Variants in DAB1 observed in about 807,000 individuals in gnomAD.
DAB1 encodes the protein disabled homolog 1.
DAB1 carries 15 observed loss-of-function variants against 64.6 expected under a neutral mutation model. The ratio of observed to expected loss-of-function variants is 0.23; its 90% confidence interval spans 0.16 to 0.36. The LOEUF is 0.36. Among genes scored for constraint, DAB1 ranks in the 10% least tolerant of loss-of-function variants. The pLI is 1.00. For synonymous variants in DAB1, 235 were observed against 251.9 expected, an observed-to-expected ratio of 0.93 and a Z score of 0.64; for missense variants, 596 against 706.7, an observed-to-expected ratio of 0.84 and a Z score of 1.78.
At chr1:57,123,778 A>C (rs1656878447) in intron 4 of DAB1, among the ~76,000 whole-genome samples, 1 of 152,186 alleles carries the variant, frequency 6.6e-6, no homozygotes, top group African/African-American at 2.4e-5. Context: ...AATGTGGATA[A>C]GTAAAAAATA....
At chr1:57,357,632 G>C (rs1679222915) in intron 1 of DAB1, among the ~76,000 whole-genome samples, 1 of 150,578 alleles carries the variant, frequency 6.6e-6, no homozygotes. Context: ...AGAAATACCT[G>C]AGAGTGGGTA....
rs557852537 is a variant in DAB1, at chr1:57,337,870, C to T, written c.-136-46704G>A. Among the ~76,000 whole-genome samples, 793 of 120,870 alleles carry T rather than the reference C, an allele frequency of 6.6e-3. 9 individuals carry two copies. The highest frequency in any genetic ancestry group is 0.022 in the African/African-American group (725 of 32,586). The allele number at this position is 120,870 out of a possible 152,430, so 79.3% of individuals were successfully genotyped here. ...TTTTCCCTTTCCCTTTCCCTTCCCT[C>T]CCCTCCCCTCCCTTCCCTTCCCTTC... On this transcript the variant is annotated intron_variant, in intron 1 of 14. Transcript: ENST00000371236.
At chr1:57,979,250 T>C (rs1046048155) in intron 5 of DAB1, among the ~76,000 whole-genome samples, 1 of 152,200 alleles carries the variant, frequency 6.6e-6, no homozygotes. Flanking sequence ...AAGGATGAGT[T>C]CATGCCCTTT....
intron 1 of DAB1, among the ~76,000 whole-genome samples, chr1:57,409,658 A>C (rs1044421789): frequency 6.6e-6 from 1 of 152,074 alleles, no homozygotes; most frequent in Non-Finnish European, 1.5e-5. Flanking sequence ...AAAATACAAA[A>C]ATTAGCTGGC....
intron 7 of DAB1, among the ~76,000 whole-genome samples, chr1:57,574,563 C>G (rs1291023108): frequency 6.6e-6 from 1 of 152,202 alleles, no homozygotes; most frequent in East Asian, 1.9e-4. Flanking sequence ...GATTCAATTT[C>G]TGGTTCATTT....
intron 2 of DAB1, among the ~76,000 whole-genome samples, chr1:57,153,615 T>C (rs1180894709): frequency 1.8e-5 from 2 of 112,168 alleles, no homozygotes; most frequent in Admixed American, 7.9e-5. Flanking sequence ...AGTAGGTATA[T>C]GTATGGGGTT....
intron 6 of DAB1, among the ~76,000 whole-genome samples, chr1:57,686,730 G>A (rs912003252): frequency 6.6e-6 from 1 of 152,214 alleles, no homozygotes; most frequent in Admixed American, 6.5e-5. Flanking sequence ...TTATTTCTGG[G>A]ATGCAAGGCT....
intron 7 of DAB1, among the ~76,000 whole-genome samples, chr1:57,475,899 A>T (rs534970059): frequency 5.3e-5 from 8 of 152,362 alleles, no homozygotes; most frequent in Non-Finnish European, 7.3e-5. Context: ...GAATGAATAA[A>T]TGAATGTACT....
At chr1:57,771,922 G>A (rs530864571) in intron 6 of DAB1, among the ~76,000 whole-genome samples, 4 of 152,134 alleles carry the variant, frequency 2.6e-5, no homozygotes, top group African/African-American at 7.2e-5. Context: ...AGTCATTGGA[G>A]GTATTAATAC....
At chr1:57,962,394 G>A (rs1386924775) in intron 5 of DAB1, among the ~76,000 whole-genome samples, 1 of 151,978 alleles carries the variant, frequency 6.6e-6, no homozygotes, top group Admixed American at 6.6e-5. Context: ...ATTTTGTCTA[G>A]CCATTTTCTC....
Position 57,095,567 on chromosome 1 carries a change from C to T in DAB1, c.307-23153G>A, listed in dbSNP as rs112474339. ...TCAGTTACTTTGGGTTGACGATTAA[C>T]GGCATCATATATATGAAGTGTCCAC... On this transcript the variant is annotated intron_variant, in intron 4 of 14. Transcript: ENST00000371236. 1.8e-3 allele frequency among the ~76,000 whole-genome samples: 278 copies of T among 152,284 alleles called. 1 individual carries two copies. The highest frequency in any genetic ancestry group is 3.2e-3 in the Non-Finnish European group (221 of 68,026).
chr1:57,163,721 A>C (rs1306267589), intron 2 of DAB1, among the ~76,000 whole-genome samples: 2 of 152,124 alleles, frequency 1.3e-5, no homozygotes, highest in Non-Finnish European at 2.9e-5. Context: ...AAATGGGCTG[A>C]ATCAAAAAAT....
chr1:57,019,046 G>A (rs950087673), intron 11 of DAB1, among the ~76,000 whole-genome samples: 1 of 152,118 alleles, frequency 6.6e-6, no homozygotes, highest in African/African-American at 2.4e-5. Context: ...GTCCTTCTCT[G>A]GGCTTCCACA....
chr1:57,931,368 A>G (rs1274715292), intron 5 of DAB1, among the ~76,000 whole-genome samples: 1 of 152,216 alleles, frequency 6.6e-6, no homozygotes, highest in Non-Finnish European at 1.5e-5. Context: ...TGGTGACTTC[A>G]TAAAATGAGT....
intron 5 of DAB1, among the ~76,000 whole-genome samples, chr1:58,012,618 T>C (rs1047150806): frequency 6.6e-6 from 1 of 152,138 alleles, no homozygotes; most frequent in Non-Finnish European, 1.5e-5. Flanking sequence ...CTGTCATGAA[T>C]GAGATTAGTG....
At chr1:57,394,733 A>G (rs755705412) in intron 1 of DAB1, among the ~76,000 whole-genome samples, 3 of 152,224 alleles carry the variant, frequency 2.0e-5, no homozygotes, top group Admixed American at 6.5e-5. Flanking sequence ...TTAAATGTCA[A>G]ACATACTTGT....
At chr1:57,028,776 A>T (rs894339082) in intron 9 of DAB1, among the ~76,000 whole-genome samples, 1 of 152,152 alleles carries the variant, frequency 6.6e-6, no homozygotes. Flanking sequence ...TTTGAATTTG[A>T]GAGAGATAAT....
intron 7 of DAB1, among the ~76,000 whole-genome samples, chr1:57,528,200 A>G (rs1644616523): frequency 6.6e-6 from 1 of 152,148 alleles, no homozygotes; most frequent in African/African-American, 2.4e-5. Flanking sequence ...GCAAATATGA[A>G]TTCTAAAATT....
intron 5 of DAB1, among the ~76,000 whole-genome samples, chr1:58,003,724 G>A (rs1313229237): frequency 1.3e-5 from 2 of 152,144 alleles, no homozygotes; most frequent in Admixed American, 6.5e-5. Flanking sequence ...CGGGCAAGGT[G>A]GCCTTGTGGG....
Sources: gnomAD v4.1 joint callset for allele counts (sites outside exome capture counted in the v4.1 genomes callset) on GRCh38, gnomAD v4.1.1 for gene constraint, MANE v1.5 for transcripts, NCBI Gene and HGNC (gene_info 2026-07-23, HGNC 2026-07-21) for gene names.